FAM20C: variants seen among roughly 807,000 people sequenced by gnomAD.
The protein encoded by FAM20C is FAM20C golgi associated secretory pathway kinase, also known as extracellular serine/threonine protein kinase FAM20C.
Under a neutral mutation model 51.5 loss-of-function variants are expected in FAM20C, and 40 were observed. The ratio of observed to expected loss-of-function variants is 0.78; its 90% CI spans 0.60 to 1.01. FAM20C has a LOEUF of 1.01. Among genes scored for constraint, FAM20C ranks in the 50% least tolerant of loss-of-function variants. The probability of loss-of-function intolerance (pLI) is 0.00; values close to 1 mark genes in which losing one functional copy is unlikely to be tolerated. For missense variants in FAM20C, 861 were observed against 844.7 expected (o/e 1.02, Z -0.24); for synonymous variants, 406 against 380.6 (o/e 1.07, Z -0.78).
At chr7:248,775 G>T (rs983377456) in intron 5 of FAM20C, among the ~76,000 whole-genome samples, 13 of 143,246 alleles carry the variant, frequency 9.1e-5, no homozygotes, top group African/African-American at 3.6e-4. Flanking sequence ...GGCACGGGGA[G>T]ACCACATTCA....
chr7:228,355 C>G (rs1185721933), intron 3 of FAM20C: 2 of 416,236 alleles, frequency 4.8e-6, no homozygotes, highest in Non-Finnish European at 4.9e-6. Context: ...CCTTAGATCA[C>G]AGGGGCTCTT....
At chr7:228,257 GC>G (rs1049227986) in intron 3 of FAM20C, 93 of 346,588 alleles carry the variant, frequency 2.7e-4, no homozygotes, top group African/African-American at 1.8e-3. Context: ...GGCGACCCCT[GC>G]CCTGGGCAGG....
intron 2 of FAM20C, among the ~76,000 whole-genome samples, chr7:208,245 T>C (rs975534403): frequency 2.6e-5 from 4 of 151,880 alleles, no homozygotes; most frequent in Non-Finnish European, 5.9e-5. Flanking sequence ...AGGTGTGTGC[T>C]GATGTGAGTG....
intron 3 of FAM20C, chr7:228,754 C>T (rs555801687): frequency 6.6e-6 from 3 of 456,290 alleles, no homozygotes; most frequent in African/African-American, 2.0e-5. Context: ...CCAAGAGTGA[C>T]CTGACTGAAC....
chr7:199,726 C>A (rs1786042758), intron 2 of FAM20C, among the ~76,000 whole-genome samples: 1 of 152,168 alleles, frequency 6.6e-6, no homozygotes, highest in Non-Finnish European at 1.5e-5. Context: ...TGGTAACCGG[C>A]CATTGCCACC....
chr7:198,171 C>T (rs1386537460), intron 2 of FAM20C, among the ~76,000 whole-genome samples: 1 of 152,192 alleles, frequency 6.6e-6, no homozygotes, highest in East Asian at 1.9e-4. Context: ...GCTGGCTGCT[C>T]AGTCATTCTG....
intron 3 of FAM20C, among the ~76,000 whole-genome samples, chr7:213,676 G>A (rs1229222111): frequency 6.6e-6 from 1 of 152,212 alleles, no homozygotes; most frequent in African/African-American, 2.4e-5. Context: ...TCTCTTGGAT[G>A]TATTCTGGGG....
intron 3 of FAM20C, among the ~76,000 whole-genome samples, chr7:218,945 C>T (rs1053931131): frequency 3.3e-5 from 5 of 152,136 alleles, no homozygotes; most frequent in African/African-American, 1.2e-4. Flanking sequence ...GACACGGGCC[C>T]AGGACGGACA....
Position 246,400 on chromosome 7 carries a change from G to C in FAM20C, c.864-15G>C. 7.1e-7 allele frequency: 1 copy of C among 1,409,746 alleles called. No homozygotes were observed. The highest frequency in any genetic ancestry group is 9.3e-7 in the Non-Finnish European group (1 of 1,073,800). The allele number at this position is 1,409,746 out of a possible 1,614,324, so 87.3% of individuals were successfully genotyped here. On this transcript the variant is annotated splice_polypyrimidine_tract_variant and intron_variant, in intron 3 of 9. Coordinates refer to ENST00000313766, the MANE Select transcript of FAM20C (RefSeq NM_020223.4). ...TCAGTGACAAACCGTTTCTGTTTCT[G>C]TCTTGTTTTCTCAGACAAACGAGGG...
chr7:201,482 G>T (rs1280796536), intron 2 of FAM20C, among the ~76,000 whole-genome samples: 1 of 152,124 alleles, frequency 6.6e-6, no homozygotes, highest in Non-Finnish European at 1.5e-5. Context: ...TGAGCACCCT[G>T]CGGGGTGTTG....
chr7:256,261 T>A (rs560712089), intron 6 of FAM20C: 1 of 612,458 alleles, frequency 1.6e-6, no homozygotes, highest in African/African-American at 1.8e-5. Context: ...GCCCACCAGG[T>A]CCCTCGAATC....
At chr7:251,266 TCA>T (rs199924379) in intron 5 of FAM20C, among the ~76,000 whole-genome samples, 5,437 of 81,024 alleles carry the variant, frequency 0.067, 882 homozygotes, top group Non-Finnish European at 0.1. Flanking sequence ...GCACGGTGGC[TCA>T]CACGCCTGCA....
intron 7 of FAM20C, 83 bp from the exon 8 acceptor site, chr7:256,922 C>G: frequency 6.8e-7 from 1 of 1,469,722 alleles, no homozygotes; most frequent in South Asian, 1.2e-5. Context: ...CAGGAGGAGA[C>G]GCCGCTCTGC....
At chr7:210,957 C>T (rs186175080) in intron 3 of FAM20C, among the ~76,000 whole-genome samples, 4 of 152,272 alleles carry the variant, frequency 2.6e-5, no homozygotes, top group African/African-American at 7.2e-5. Context: ...TATGTTTGTC[C>T]ATCCTCACAT....
chr7:217,640 G>C (rs1181314459), intron 3 of FAM20C, among the ~76,000 whole-genome samples: 1 of 152,126 alleles, frequency 6.6e-6, no homozygotes, highest in Non-Finnish European at 1.5e-5. Context: ...GGCCTTTCTC[G>C]CACCCATGTC....
intron 5 of FAM20C, 128 bp from the exon 6 acceptor site, chr7:255,721 G>A: frequency 1.0e-6 from 1 of 991,708 alleles, no homozygotes; most frequent in Non-Finnish European, 1.5e-6. Context: ...GATTGATGGG[G>A]AACTGTGGGT....
chr7:215,090 T>C (rs1260124634), intron 3 of FAM20C, among the ~76,000 whole-genome samples: 4 of 151,872 alleles, frequency 2.6e-5, no homozygotes, highest in African/African-American at 7.3e-5. Flanking sequence ...GGCAGCTACG[T>C]GTGTCCAGTC....
chr7:222,367 G>A (rs1787264868), intron 3 of FAM20C, among the ~76,000 whole-genome samples: 3 of 152,246 alleles, frequency 2.0e-5, no homozygotes, highest in South Asian at 4.1e-4. Context: ...GGTACTGAGA[G>A]CAGCTGGGGT....
intron 5 of FAM20C, among the ~76,000 whole-genome samples, chr7:251,646 G>A (rs192826298): frequency 8.5e-5 from 13 of 152,224 alleles, no homozygotes; most frequent in African/African-American, 2.9e-4. Flanking sequence ...TCACCGGAGT[G>A]CCCCTGAGCT....
Sources: allele counts gnomAD v4.1 joint callset (sites outside exome capture counted in the v4.1 genomes callset), GRCh38; gene constraint gnomAD v4.1.1; transcripts MANE v1.5; gene names NCBI Gene and HGNC (gene_info 2026-07-23, HGNC 2026-07-21).